The following SCAPER variants were observed in gnomAD, a reference collection of about 807,000 sequenced individuals.
SCAPER encodes the protein S-phase cyclin A associated protein in the ER.
A neutral mutation model predicts 182.2 loss-of-function variants in SCAPER; 98 were observed. That is an observed-to-expected ratio of 0.54 (90% CI 0.46 to 0.64). SCAPER has a LOEUF of 0.64. SCAPER is among the 30% of genes least tolerant of loss of function. The pLI is 0.00. For synonymous variants in SCAPER, 605 were observed against 564.6 expected, an observed-to-expected ratio of 1.07 and a Z score of -1.01; for missense variants, 1,432 against 1,690.0, an observed-to-expected ratio of 0.85 and a Z score of 2.68.
chr15:76,489,322 T>C (rs1459767938), intron 24 of SCAPER, among the ~76,000 whole-genome samples: 2 of 150,928 alleles, frequency 1.3e-5, no homozygotes, highest in African/African-American at 4.9e-5. Context: ...GTACAATTTA[T>C]ACACAATTAA....
At chr15:76,615,066 T>A (rs964474510) in intron 22 of SCAPER, among the ~76,000 whole-genome samples, 18 of 152,120 alleles carry the variant, frequency 1.2e-4, no homozygotes, top group Admixed American at 3.9e-4. Context: ...AATCTAATGA[T>A]GAAGAAATAG....
intron 20 of SCAPER, among the ~76,000 whole-genome samples, chr15:76,670,169 C>T (rs1225228147): frequency 2.0e-5 from 3 of 151,712 alleles, no homozygotes; most frequent in South Asian, 4.1e-4. Context: ...AAAATGTGTT[C>T]ATTATACAAA....
intron 26 of SCAPER, 135 bp downstream of exon 26, chr15:76,433,943 T>G (rs1174372103): frequency 1.5e-6 from 1 of 676,586 alleles, no homozygotes; most frequent in African/African-American, 1.8e-5. Flanking sequence ...TTACAAGGTA[T>G]TCTTGGTATT....
chr15:76,882,503 G>A (rs1302359242), intron 2 of SCAPER, among the ~76,000 whole-genome samples: 1 of 151,890 alleles, frequency 6.6e-6, no homozygotes, highest in African/African-American at 2.4e-5. Context: ...AAATCTTCTG[G>A]CAAACAAAAG....
chr15:76,763,303 C>G (rs562154684), intron 14 of SCAPER, among the ~76,000 whole-genome samples: 1 of 134,020 alleles, frequency 7.5e-6, no homozygotes, highest in African/African-American at 2.9e-5. Context: ...TATCTCCTAG[C>G]CTGGAAGATT....
chr15:76,783,502 A>G (rs185667274), intron 8 of SCAPER, among the ~76,000 whole-genome samples: 52 of 152,302 alleles, frequency 3.4e-4, no homozygotes, highest in African/African-American at 1.2e-3. Context: ...CAATCAATAG[A>G]AAAAAAGGGA....
At chr15:76,883,481 C>T (rs2073685260) in intron 2 of SCAPER, among the ~76,000 whole-genome samples, 2 of 152,186 alleles carry the variant, frequency 1.3e-5, no homozygotes, top group South Asian at 4.1e-4. Context: ...TCCTTTAAGA[C>T]TTGGCTAGAC....
chr15:76,809,709 T>G (rs1213114908), intron 5 of SCAPER, among the ~76,000 whole-genome samples: 2 of 152,108 alleles, frequency 1.3e-5, no homozygotes, highest in African/African-American at 2.4e-5. Flanking sequence ...GGCTGAAAAC[T>G]TCCCAAACCT....
intron 22 of SCAPER, chr15:76,586,592 A>C (rs527887890): frequency 5.9e-5 from 9 of 153,124 alleles, no homozygotes; most frequent in African/African-American, 1.7e-4. Context: ...ACATATGCAT[A>C]CATATATATG....
intron 29 of SCAPER, among the ~76,000 whole-genome samples, chr15:76,365,845 C>T (rs2041771871): frequency 6.6e-6 from 1 of 152,072 alleles, no homozygotes; most frequent in African/African-American, 2.4e-5. Context: ...GGCCTGTGAA[C>T]CTGCAGACAT....
intron 23 of SCAPER, among the ~76,000 whole-genome samples, chr15:76,570,671 T>C (rs142544481): frequency 1.3e-5 from 2 of 152,148 alleles, no homozygotes; most frequent in Admixed American, 1.3e-4. Context: ...TTCTGCTTAC[T>C]TATCATGACT....
At chr15:76,704,011 C>T (rs193205835) in intron 18 of SCAPER, among the ~76,000 whole-genome samples, 1 of 152,060 alleles carries the variant, frequency 6.6e-6, no homozygotes, top group Admixed American at 6.5e-5. Flanking sequence ...TTAGAGACTG[C>T]CTATGGTTGT....
chr15:76,665,734 G>A lies in SCAPER; in HGVS notation c.2564C>T (p.Pro855Leu), dbSNP rs2056524991. The A allele has an allele frequency of 1.3e-6, 2 of 1,555,508 alleles. No individual in the cohort carries two copies. The highest frequency in any genetic ancestry group is 1.2e-5 in the South Asian group (1 of 83,542). ...IIDIVVESTA[P>L]AEALKDGEER... ...TTCTCCATCTTTCAAAGCTTCTGCTGGAGCTGTACTTTCAACCACAATGTC... is the reference window on the plus strand; with the variant it reads ...TTCTCCATCTTTCAAAGCTTCTGCTAGAGCTGTACTTTCAACCACAATGTC... The change falls in exon 21 of 32, where the codon CCA becomes CTA. Residue 855 changes from proline to leucine, a missense_variant. By Grantham distance (98) the Pro-to-Leu change is moderately conservative (BLOSUM62 -3). This residue lies in a region of SCAPER where 718 missense variants were observed against 799.7 expected (regional missense o/e 0.90). Coordinates refer to ENST00000563290, the MANE Select transcript of SCAPER (RefSeq NM_020843.4).
At chr15:76,371,615 G>A (rs898352941) in intron 29 of SCAPER, among the ~76,000 whole-genome samples, 4 of 151,256 alleles carry the variant, frequency 2.6e-5, no homozygotes, top group African/African-American at 9.7e-5. Context: ...ACCATGCCTG[G>A]CTTATAATAT....
At chr15:76,648,844 T>C (rs1010219492) in intron 21 of SCAPER, among the ~76,000 whole-genome samples, 5 of 152,210 alleles carry the variant, frequency 3.3e-5, no homozygotes, top group African/African-American at 4.8e-5. Flanking sequence ...ACATGGAGGT[T>C]CCCTCTTCCC....
chr15:76,595,061 G>A (rs2049393682), intron 22 of SCAPER, among the ~76,000 whole-genome samples: 1 of 121,002 alleles, frequency 8.3e-6, no homozygotes. Context: ...AGAACCATTA[G>A]TGTGCTGTAT....
At chr15:76,669,070 G>A (rs896169138) in intron 20 of SCAPER, among the ~76,000 whole-genome samples, 4 of 152,124 alleles carry the variant, frequency 2.6e-5, no homozygotes, top group Non-Finnish European at 4.4e-5. Flanking sequence ...CTAGTAAAGT[G>A]ACAGAGCCTA....
chr15:76,675,275 A>C (rs1275189428), intron 20 of SCAPER, among the ~76,000 whole-genome samples: 1 of 152,256 alleles, frequency 6.6e-6, no homozygotes, highest in Non-Finnish European at 1.5e-5. Flanking sequence ...TAATATTTAT[A>C]TCTCTCAAGC....
intron 20 of SCAPER, among the ~76,000 whole-genome samples, chr15:76,675,543 T>C (rs906073800): frequency 6.6e-6 from 1 of 152,198 alleles, no homozygotes; most frequent in African/African-American, 2.4e-5. Context: ...AATTACAGAA[T>C]GATGCAGAAG....
Sources: gnomAD v4.1 joint callset for allele counts (sites outside exome capture counted in the v4.1 genomes callset) on GRCh38, gnomAD v4.1.1 for gene constraint, gnomAD v4.1.1 regional missense constraint, MANE v1.5 for transcripts, NCBI Gene and HGNC (gene_info 2026-07-23, HGNC 2026-07-21) for gene names.